IMPG1: variants seen among roughly 807,000 people sequenced by gnomAD.
The protein encoded by IMPG1 is interphotoreceptor matrix proteoglycan of 150 kDa.
Under a neutral mutation model 92.0 loss-of-function variants are expected in IMPG1, and 85 were observed. The observed-to-expected ratio is 0.92, with a 90% confidence interval of 0.78 to 1.11. The LOEUF (loss-of-function observed/expected upper bound fraction) is 1.11, where lower values mean the gene tolerates loss of function less well. IMPG1 is among the 50% of genes least tolerant of loss of function. The pLI, the probability that IMPG1 is intolerant of heterozygous loss-of-function variation, is 0.00. For synonymous variants in IMPG1, 367 were observed against 334.1 expected, an observed-to-expected ratio of 1.10 and a Z score of -1.08; for missense variants, 1,022 against 956.0, an observed-to-expected ratio of 1.07 and a Z score of -0.91.
rs143201492 is a variant in IMPG1 at position 76,014,025 on chromosome 6, A to C, written c.808-2801T>G. On this transcript the variant is annotated intron_variant, in intron 7 of 16. Coordinates refer to ENST00000369950, the MANE Select transcript of IMPG1 (RefSeq NM_001563.4). ...GTAGCTCAGCTTTTGGGTGATCCGGAGCTCTTTGTACGGGATGGGGTTTAA... is the reference window on the plus strand; with the variant it reads ...GTAGCTCAGCTTTTGGGTGATCCGGCGCTCTTTGTACGGGATGGGGTTTAA... 6.5e-4 allele frequency among the ~76,000 whole-genome samples: 99 copies of C among 152,292 alleles called. 1 individual carries two copies. Among genetic ancestry groups the C allele is most frequent in the African/African-American group, 2.2e-3 (93 of 41,572 alleles).
intron 1 of IMPG1, among the ~76,000 whole-genome samples, chr6:76,051,767 A>T (rs1784047408): frequency 6.6e-6 from 1 of 152,168 alleles, no homozygotes; most frequent in Non-Finnish European, 1.5e-5. Flanking sequence ...CCTGCTGAGG[A>T]TAAAAATCAG....
rs779813555 is a variant in IMPG1, at chr6:75,950,811, A to G, written c.1575T>C (p.Ser525=). The G allele has an allele frequency of 1.1e-5, 17 of 1,613,878 alleles. No individual in the cohort carries two copies. The highest frequency in any genetic ancestry group is 2.7e-5 in the African/African-American group (2 of 74,932). The change falls in exon 13 of 17, where the codon TCT becomes TCC. Residue 525 remains serine, a synonymous_variant. Transcript: ENST00000369950. Reference sequence around the variant, plus strand: ...GTACCTCAGATGGGGCAGGAGTGTCAGACAGATCCATTTCATCTAGGTGTC... The same window carrying G: ...GTACCTCAGATGGGGCAGGAGTGTCGGACAGATCCATTTCATCTAGGTGTC... The part of the protein sequence containing the change: ...MVRHLDEMDL[S]DTPAPSEVPE...
intron 12 of IMPG1, among the ~76,000 whole-genome samples, chr6:75,963,677 T>C (rs970609780): frequency 1.3e-5 from 2 of 152,174 alleles, no homozygotes; most frequent in African/African-American, 2.4e-5. Context: ...TAAATCTCAG[T>C]AAGAACAGTG....
intron 12 of IMPG1, among the ~76,000 whole-genome samples, chr6:75,986,118 GT>G (rs35878291): frequency 7.3e-5 from 11 of 151,556 alleles, no homozygotes; most frequent in African/African-American, 2.7e-4. Flanking sequence ...TGTACCATGG[GT>G]TTTTTTTGGT....
chr6:76,055,036 G>T (rs1263831556), intron 1 of IMPG1, among the ~76,000 whole-genome samples: 1 of 151,966 alleles, frequency 6.6e-6, no homozygotes, highest in Non-Finnish European at 1.5e-5. Flanking sequence ...TTCAGTAAGG[G>T]TAGGGAAGAT....
intron 1 of IMPG1, among the ~76,000 whole-genome samples, chr6:76,050,659 G>T (rs1259884254): frequency 6.6e-6 from 1 of 152,122 alleles, no homozygotes; most frequent in Non-Finnish European, 1.5e-5. Flanking sequence ...TTGGCTTCTA[G>T]ACATAGGCTG....
intron 7 of IMPG1, among the ~76,000 whole-genome samples, chr6:76,015,821 A>AAAAG (rs1562370565): frequency 3.3e-5 from 5 of 150,410 alleles, no homozygotes; most frequent in Non-Finnish European, 7.4e-5. Context: ...AAAAAAAAAA[A>AAAAG]AAAGAAAGAA....
At chr6:76,010,910 G>A (rs945370170) in intron 8 of IMPG1, among the ~76,000 whole-genome samples, 1 of 152,200 alleles carries the variant, frequency 6.6e-6, no homozygotes, top group Non-Finnish European at 1.5e-5. Context: ...GACAGCAGAT[G>A]AGCTCTCTAT....
chr6:75,991,647 T>C (rs1193452439), intron 12 of IMPG1, among the ~76,000 whole-genome samples: 1 of 151,270 alleles, frequency 6.6e-6, no homozygotes, highest in Non-Finnish European at 1.5e-5. Flanking sequence ...CTTTCCATTA[T>C]TGAGTGCATA....
intron 2 of IMPG1, among the ~76,000 whole-genome samples, chr6:76,035,469 AGCCTG>A (rs1323139424): frequency 2.9e-5 from 4 of 135,680 alleles, no homozygotes; most frequent in Middle Eastern, 4.7e-3. Flanking sequence ...ATTGCACTCC[AGCCTG>A]GGCAACAAGA....
At chr6:75,987,464 C>T (rs1420947250) in intron 12 of IMPG1, among the ~76,000 whole-genome samples, 1 of 147,146 alleles carries the variant, frequency 6.8e-6, no homozygotes, top group Non-Finnish European at 1.5e-5. Flanking sequence ...TCCCCCCTGC[C>T]CCCACCCCAC....
At chr6:75,986,990 A>C (rs988931301) in intron 12 of IMPG1, among the ~76,000 whole-genome samples, 1 of 152,186 alleles carries the variant, frequency 6.6e-6, no homozygotes, top group Non-Finnish European at 1.5e-5. Flanking sequence ...CTTTTCTCAC[A>C]ATCAGTTTTT....
chr6:76,011,831 C>T (rs917962867), intron 7 of IMPG1, among the ~76,000 whole-genome samples: 90 of 145,754 alleles, frequency 6.2e-4, no homozygotes, highest in Middle Eastern at 3.7e-3. Flanking sequence ...TGAGAATATG[C>T]GGTGTTTGGT....
chr6:75,948,695 A>G (rs1193823871), intron 13 of IMPG1, among the ~76,000 whole-genome samples: 2 of 152,186 alleles, frequency 1.3e-5, no homozygotes, highest in Non-Finnish European at 2.9e-5. Context: ...CTGTGCAGAT[A>G]GCTAGGTGCT....
intron 6 of IMPG1, among the ~76,000 whole-genome samples, chr6:76,020,467 A>G (rs1783400986): frequency 6.6e-6 from 1 of 152,198 alleles, no homozygotes; most frequent in Non-Finnish European, 1.5e-5. Context: ...TTTATCTTGT[A>G]GAGCTGGTGA....
At chr6:75,976,208 T>C (rs1782529744) in intron 12 of IMPG1, among the ~76,000 whole-genome samples, 1 of 152,256 alleles carries the variant, frequency 6.6e-6, no homozygotes, top group African/African-American at 2.4e-5. Flanking sequence ...AAAAGTTATT[T>C]CTTAACATTT....
At chr6:75,952,227 G>C (rs538278747) in intron 12 of IMPG1, among the ~76,000 whole-genome samples, 32 of 152,272 alleles carry the variant, frequency 2.1e-4, no homozygotes, top group African/African-American at 7.5e-4. Context: ...GAACAAAACA[G>C]GGAGCTTTTT....
intron 8 of IMPG1, among the ~76,000 whole-genome samples, chr6:76,010,786 A>C (rs1783170226): frequency 2.6e-5 from 4 of 152,218 alleles, no homozygotes; most frequent in Admixed American, 2.6e-4. Context: ...ATCCCATAGG[A>C]AACCAGGCAA....
At chr6:75,991,637 C>G (rs955845003) in intron 12 of IMPG1, among the ~76,000 whole-genome samples, 3 of 152,164 alleles carry the variant, frequency 2.0e-5, no homozygotes, top group Non-Finnish European at 4.4e-5. Context: ...TCTCTATTCT[C>G]TTTCCATTAT....
Sources: gnomAD v4.1 joint callset for allele counts (sites outside exome capture counted in the v4.1 genomes callset) on GRCh38, gnomAD v4.1.1 for gene constraint, MANE v1.5 for transcripts, NCBI Gene and HGNC (gene_info 2026-07-23, HGNC 2026-07-21) for gene names.